The following TACC2 variants were observed in gnomAD, a reference collection of about 807,000 sequenced individuals.
The protein encoded by TACC2 is transforming acidic coiled-coil containing protein 2.
A neutral mutation model predicts 227.3 loss-of-function variants in TACC2; 137 were observed. The ratio of observed to expected loss-of-function variants is 0.60; its 90% CI spans 0.52 to 0.69. The LOEUF is 0.69. Ranked by LOEUF, TACC2 falls within the 30% of genes least tolerant of loss-of-function variation. The pLI, the probability that TACC2 is intolerant of heterozygous loss-of-function variation, is 0.00. For missense variants in TACC2, 3,470 were observed against 3,694.4 expected, an observed-to-expected ratio of 0.94 and a Z score of 1.57; for synonymous variants, 1,523 against 1,487.5, an observed-to-expected ratio of 1.02 and a Z score of -0.55.
At chr10:122,118,560 A>G (rs958528794) in intron 5 of TACC2, among the ~76,000 whole-genome samples, 4 of 152,136 alleles carry the variant, frequency 2.6e-5, no homozygotes, top group Admixed American at 6.5e-5. Flanking sequence ...CTCTTGAACT[A>G]TAGGCTCTAA....
In TACC2 at chr10:122,025,034, G is replaced by A. The variant is rs539624343; in HGVS notation, c.33+3020G>A. Among the ~76,000 whole-genome samples the A allele has an allele frequency of 3.3e-4, 50 of 152,310 alleles. No individual in the cohort carries two copies. The South Asian group carries it at 1.0e-2, about 30-fold the overall frequency. Reference sequence around the variant, plus strand: ...AGCATTTTTCATTCCCACCAGCAACGTATGAGGGATCTGGTCTTTGGACCC... The same window carrying A: ...AGCATTTTTCATTCCCACCAGCAACATATGAGGGATCTGGTCTTTGGACCC... On this transcript the variant is annotated intron_variant, in intron 2 of 22. Transcript: ENST00000369005.
rs9663528 is a variant in TACC2 at position 122,012,496 on chromosome 10, G to C, written c.-45-9441G>C. 2.7e-5 allele frequency among the ~76,000 whole-genome samples: 4 copies of C among 149,918 alleles called. No individual in the cohort carries two copies. The South Asian group carries it at 8.4e-4, about 31-fold the overall frequency. On this transcript the variant is annotated intron_variant, in intron 1 of 22. Coordinates refer to ENST00000369005, the MANE Select transcript of TACC2 (RefSeq NM_206862.4). ...CTCGAACTCTTGACCTCAGGTGATC[G>C]GCCTGCCTTGGCCTCCCAAAGTGCT...
chr10:122,083,730 C>T lies in TACC2; in HGVS notation c.1230C>T (p.Leu410=), dbSNP rs1170827353. 6.2e-7 allele frequency: 1 copy of T among 1,614,036 alleles called. No individual in the cohort carries two copies. The highest frequency in any genetic ancestry group is 8.5e-7 in the Non-Finnish European group (1 of 1,180,042). Residue 410 remains leucine, a synonymous_variant, in exon 4 of 23, where the codon CTC becomes CTT. Transcript: ENST00000369005. ...CTGTGAGCCCTGAACCTTCCCTGCT[C>T]ACTCCGACTGAGGAAGCACATCCAG... ...GLPVSPEPSL[L]TPTEEAHPAS... is the part of the protein sequence containing the mutation.
chr10:122,189,288 C>T (rs1469437517), intron 7 of TACC2, among the ~76,000 whole-genome samples: 2 of 152,148 alleles, frequency 1.3e-5, no homozygotes, highest in Non-Finnish European at 2.9e-5. Context: ...TCCATTTACT[C>T]ACAGAGTCCT....
intron 7 of TACC2, among the ~76,000 whole-genome samples, chr10:122,146,038 G>T (rs2091330374): frequency 1.3e-5 from 2 of 152,184 alleles, no homozygotes; most frequent in South Asian, 2.1e-4. Context: ...TGCCCTCAAG[G>T]AGCATCCAGT....
At position 122,081,676 on chromosome 10, in the gene TACC2, C is replaced by A. The variant is rs185485677; in HGVS notation, c.147-971C>A. ...ATTCAGAGCCAAGTTCCCCCAAGTT[C>A]CCTGAGTGTTTCACTTTTTTTCGCC... On this transcript the variant is annotated intron_variant, in intron 3 of 22. Transcript: ENST00000369005. 2.5e-3 allele frequency among the ~76,000 whole-genome samples: 378 copies of A among 152,266 alleles called. 6 individuals carry two copies. The highest frequency in any genetic ancestry group is 6.3e-4 in the Non-Finnish European group (43 of 68,028).
At chr10:122,010,104 T>C (rs1955737055) in intron 1 of TACC2, among the ~76,000 whole-genome samples, 1 of 152,214 alleles carries the variant, frequency 6.6e-6, no homozygotes, top group Non-Finnish European at 1.5e-5. Context: ...ATGTGTGTCA[T>C]CAGGAATAAT....
chr10:122,147,982 T>C (rs1161041852), intron 7 of TACC2, among the ~76,000 whole-genome samples: 1 of 152,150 alleles, frequency 6.6e-6, no homozygotes, highest in Non-Finnish European at 1.5e-5. Context: ...CAATCAACCG[T>C]GTTTTTTCCC....
At chr10:122,038,591 T>C (rs1268909703) in intron 2 of TACC2, among the ~76,000 whole-genome samples, 2 of 152,120 alleles carry the variant, frequency 1.3e-5, no homozygotes, top group Non-Finnish European at 2.9e-5. Flanking sequence ...ACTTCCGTCG[T>C]GGGCGTACTT....
intron 3 of TACC2, among the ~76,000 whole-genome samples, chr10:122,081,710 C>G (rs906947848): frequency 6.6e-6 from 1 of 152,120 alleles, no homozygotes; most frequent in East Asian, 1.9e-4. Context: ...CCACACATTA[C>G]CCAGATAAGT....
At position 122,063,379 on chromosome 10, in the gene TACC2, CATT is replaced by C. The variant is rs541194124; in HGVS notation, c.146+12833_146+12835del. 9.2e-5 allele frequency among the ~76,000 whole-genome samples: 14 copies of C among 152,288 alleles called. 1 individual carries two copies. In the South Asian group the frequency reaches 1.4e-3, roughly 16 times the overall value. On this transcript the variant is annotated intron_variant, in intron 3 of 22. Transcript: ENST00000369005. The stretch of plus-strand genomic sequence containing the variant: ...GCCCCTCCTTGTCCTGCTTCTGACT[CATT>C]ATTTATCTTTGGCAGGAAGTAAACA...
At position 122,082,657 on chromosome 10, in the gene TACC2, G is replaced by A. The variant is rs769447853; in HGVS notation, c.157G>A (p.Val53Ile). 43 of 1,606,476 alleles carry A rather than the reference G, an allele frequency of 2.7e-5. No individual in the cohort carries two copies. Among genetic ancestry groups the A allele is most frequent in the South Asian group, 5.5e-5 (5 of 90,618 alleles). ...DHRDASSIGS[V>I]GLGGFCTASE... The stretch of plus-strand genomic sequence containing the variant: ...ATTAAATATTTTCAGCATTGGCAGC[G>A]TTGGGCTTGGAGGCTTCTGCACCGC... Residue 53 changes from valine (V) to isoleucine (I), a missense_variant, in exon 4 of 23, where the codon GTT becomes ATT. By Grantham distance (29) the Val-to-Ile change is conservative. Transcript: ENST00000369005.
At chr10:122,004,962 C>T (rs906865941) in intron 1 of TACC2, among the ~76,000 whole-genome samples, 1 of 152,136 alleles carries the variant, frequency 6.6e-6, no homozygotes, top group Non-Finnish European at 1.5e-5. Flanking sequence ...TTTTAATCCT[C>T]ATCCTCAGTG....
intron 5 of TACC2, among the ~76,000 whole-genome samples, chr10:122,124,508 T>C (rs922658688): frequency 6.6e-6 from 1 of 152,210 alleles, no homozygotes; most frequent in Non-Finnish European, 1.5e-5. Flanking sequence ...AACAGGCTCA[T>C]GGTCTGAGCG....
chr10:122,010,046 A>T (rs1955729385), intron 1 of TACC2, among the ~76,000 whole-genome samples: 1 of 152,194 alleles, frequency 6.6e-6, no homozygotes, highest in South Asian at 2.1e-4. Context: ...AAGTCCTATG[A>T]TGTCACATGG....
chr10:122,215,449 C>G lies in TACC2; in HGVS notation c.7342C>G (p.Gln2448Glu), dbSNP rs778624614. ...GTCTCCTCTCTCTGATCCACCTTCC[C>G]AGGTACAGTGTTCCTTTGATCTTGA... ...KRSPLSDPPS[Q>E]DPTPAATPET... Residue 2448 changes from glutamine (Q) to glutamate (E), a missense_variant and splice_region_variant, in exon 10 of 23, where the codon CAG (glutamine) becomes GAG (glutamate). By Grantham distance (29) the Gln-to-Glu change is conservative. Coordinates refer to ENST00000369005, the MANE Select transcript of TACC2 (RefSeq NM_206862.4). The G allele has an allele frequency of 4.6e-5, 75 of 1,613,650 alleles. No homozygotes were observed. The highest frequency in any genetic ancestry group is 6.3e-5 in the Non-Finnish European group (74 of 1,179,702).
chr10:122,088,446 A>C, intron 4 of TACC2, 32 bp from the exon 5 acceptor site: 2 of 1,577,328 alleles, frequency 1.3e-6, no homozygotes, highest in Non-Finnish European at 1.7e-6. Flanking sequence ...TATCTACATT[A>C]TCCTATTAAT....
In TACC2 at chr10:122,083,152, G is replaced by T. The variant is rs143195709; in HGVS notation, c.652G>T (p.Asp218Tyr). The change falls in exon 4 of 23, where the codon GAC (aspartate) becomes TAC (tyrosine). Residue 218 changes from aspartate (D) to tyrosine (Y), a missense_variant. Physicochemically the swap from Asp to Tyr is radical, Grantham distance 160. Around this residue, in one of 10 missense-constraint regions of TACC2, gnomAD observed 405 missense variants for 389.6 expected, o/e 1.04. Coordinates refer to ENST00000369005, the MANE Select transcript of TACC2 (RefSeq NM_206862.4). ...GAAGGCACCGCTGTGTGGAGAGGGGGACCAGCCTGGTGGTTTTGAGTCCCA... is the reference window on the plus strand; with the variant it reads ...GAAGGCACCGCTGTGTGGAGAGGGGTACCAGCCTGGTGGTTTTGAGTCCCA... The part of the protein sequence containing the change: ...PMKAPLCGEG[D>Y]QPGGFESQEK... 1.0e-4 allele frequency: 164 copies of T among 1,613,044 alleles called. No homozygotes were observed. The highest frequency in any genetic ancestry group is 1.4e-4 in the Non-Finnish European group (161 of 1,180,012).
chr10:122,125,523 C>A lies in TACC2; in HGVS notation c.5574-7086C>A, dbSNP rs150539545. Among the ~76,000 whole-genome samples, 54 of 152,234 alleles carry A rather than the reference C, an allele frequency of 3.5e-4. No homozygotes were observed. The East Asian group carries it at 9.5e-3, about 27-fold the overall frequency. ...CCCATGACCTTTATGAGTACAGCTC[C>A]TTCACGCTGGAAGAAGTCCCTCAAT... On this transcript the variant is annotated intron_variant, in intron 5 of 22. Coordinates refer to ENST00000369005, the MANE Select transcript of TACC2 (RefSeq NM_206862.4).
Sources: gnomAD v4.1 joint callset for allele counts (sites outside exome capture counted in the v4.1 genomes callset) on GRCh38, gnomAD v4.1.1 for gene constraint, gnomAD v4.1.1 regional missense constraint, MANE v1.5 for transcripts, NCBI Gene and HGNC (gene_info 2026-07-23, HGNC 2026-07-21) for gene names.